OMD: variants seen among roughly 807,000 people sequenced by gnomAD.
The protein encoded by OMD is KSPG osteomodulin.
In OMD, 19 loss-of-function variants were observed where a neutral mutation model predicts 31.2. The ratio of observed to expected loss-of-function variants is 0.61; its 90% CI spans 0.42 to 0.89. The LOEUF is 0.89. Ranked by LOEUF, OMD falls within the 40% of genes least tolerant of loss-of-function variation. The probability of loss-of-function intolerance (pLI) is 0.00; values close to 1 mark genes in which losing one functional copy is unlikely to be tolerated. For missense variants in OMD, 448 were observed against 490.8 expected, an observed-to-expected ratio of 0.91 and a Z score of 0.82; for synonymous variants, 155 against 166.4, an observed-to-expected ratio of 0.93 and a Z score of 0.53.
At chr9:92,416,056 G>GTATATA (rs1403964887) in intron 2 of OMD, among the ~76,000 whole-genome samples, 1 of 83,460 alleles carries the variant, frequency 1.2e-5, no homozygotes, top group African/African-American at 3.3e-5. Flanking sequence ...TTATATATGT[G>GTATATA]TGTATATATA....
chr9:92,418,120 C>G (rs1843674391), intron 1 of OMD, among the ~76,000 whole-genome samples: 1 of 151,234 alleles, frequency 6.6e-6, no homozygotes, highest in African/African-American at 2.4e-5. Context: ...GGAGTCTTGC[C>G]TTGTCACCCA....
intron 1 of OMD, 99 bp downstream of exon 1, chr9:92,424,102 TA>T (rs1171707199): frequency 2.0e-5 from 3 of 152,214 alleles, no homozygotes; most frequent in African/African-American, 7.2e-5. Context: ...GCTTTTGTAA[TA>T]GATGCAGTCT....
In OMD at chr9:92,416,714, A is replaced by G. The variant is rs35779901; in HGVS notation, c.845T>C (p.Ile282Thr). ...GTTGTGTCCAACACTGAGTTCTACAATGTTGGGAAGATTAAAAATATTATA... is the reference window on the plus strand; with the variant it reads ...GTTGTGTCCAACACTGAGTTCTACAGTGTTGGGAAGATTAAAAATATTATA... ...IPYNIFNLPN[I>T]VELSVGHNKL... Residue 282 changes from isoleucine to threonine, a missense_variant, in exon 2 of 3, where the codon ATT becomes ACT. Ile to Thr is a moderately conservative substitution (Grantham distance 89, BLOSUM62 -1). Transcript: ENST00000375550. 1.2e-4 allele frequency: 193 copies of G among 1,613,398 alleles called. No individual in the cohort carries two copies. The African/African-American group carries it at 2.2e-3, about 18-fold the overall frequency.
Position 92,416,737 on chromosome 9 carries a change from A to G in OMD, c.822T>C (p.Tyr274=). The part of the protein sequence containing the change: ...MSHNKLQDIP[Y]NIFNLPNIVE... ...CAATGTTGGGAAGATTAAAAATATT[A>G]TATGGGATGTCTTGTAGTTTGTTGT... Residue 274 remains tyrosine, a synonymous_variant, in exon 2 of 3, where the codon TAT becomes TAC. Transcript: ENST00000375550. The G allele has an allele frequency of 6.2e-7, 1 of 1,613,476 alleles. No homozygotes were observed. The highest frequency in any genetic ancestry group is 8.5e-7 in the Non-Finnish European group (1 of 1,179,480).
chr9:92,420,496 T>C (rs1433549409), intron 1 of OMD, among the ~76,000 whole-genome samples: 2 of 152,160 alleles, frequency 1.3e-5, no homozygotes, highest in African/African-American at 4.8e-5. Flanking sequence ...TCACTCTCGA[T>C]TCAAGACCAC....
At chr9:92,421,782 A>G (rs969335627) in intron 1 of OMD, among the ~76,000 whole-genome samples, 17 of 152,194 alleles carry the variant, frequency 1.1e-4, no homozygotes, top group African/African-American at 4.1e-4. Flanking sequence ...AAGAGCAAAC[A>G]GCTTAGTGGA....
chr9:92,424,165 C>A (rs1029877289), intron 1 of OMD, 37 bp downstream of exon 1: 2 of 152,056 alleles, frequency 1.3e-5, no homozygotes, highest in Non-Finnish European at 2.9e-5. Context: ...AGTAGGAATA[C>A]ATTCTTAAAA....
chr9:92,417,925 G>A (rs993581312), intron 1 of OMD, among the ~76,000 whole-genome samples: 5 of 151,708 alleles, frequency 3.3e-5, no homozygotes, highest in Non-Finnish European at 7.4e-5. Context: ...ACAAGGTTTC[G>A]TTGTGTTGCC....
In OMD at chr9:92,417,332, A is replaced by T; in HGVS notation, c.227T>A (p.Met76Lys). The T allele has an allele frequency of 6.2e-7, 1 of 1,614,042 alleles. No individual in the cohort carries two copies. Among genetic ancestry groups the T allele is most frequent in the Non-Finnish European group, 8.5e-7 (1 of 1,179,940 alleles). Residue 76 changes from methionine (M) to lysine (K), a missense_variant, in exon 2 of 3, where the codon ATG (methionine) becomes AAG (lysine). Transcript: ENST00000375550. ...CTTGAGTTTGCGATTATCACAGTACATTGATGATGGAAAGTTAGTTGGACA... is the reference window on the plus strand; with the variant it reads ...CTTGAGTTTGCGATTATCACAGTACTTTGATGATGGAAAGTTAGTTGGACA... ...CFCPTNFPSS[M>K]YCDNRKLKTI...
rs1380766771 is a variant in OMD, at chr9:92,412,647, A to C, written c.*2505T>G. ...ACGACTGACTTCTTTCACTGAGCAT[A>C]ATGTTTTCAAGGTTATCCATGTTGT... On this transcript the variant is annotated 3_prime_UTR_variant, in exon 3 of 3. Coordinates refer to ENST00000375550, the MANE Select transcript of OMD (RefSeq NM_005014.3). Among the ~76,000 whole-genome samples, 1 of 152,188 alleles carries C rather than the reference A, an allele frequency of 6.6e-6. No homozygotes were observed. The highest frequency in any genetic ancestry group is 1.5e-5 in the Non-Finnish European group (1 of 68,040).
intron 1 of OMD, among the ~76,000 whole-genome samples, chr9:92,423,959 A>T (rs1843890821): frequency 1.3e-5 from 2 of 152,138 alleles, no homozygotes; most frequent in Admixed American, 1.3e-4. Flanking sequence ...GTAAAAAAAA[A>T]TCTAAACAAA....
Position 92,416,821 on chromosome 9 carries a change from A to T in OMD, c.738T>A (p.Ser246=). The part of the protein sequence containing the change: ...MYLSLENNSI[S]SIPEKYFDKL... ...TGTCGAAGTATTTTTCGGGTATAGAAGAAATTGAATTATTTTCTAAAGACA... is the reference window on the plus strand; with the variant it reads ...TGTCGAAGTATTTTTCGGGTATAGATGAAATTGAATTATTTTCTAAAGACA... Residue 246 remains serine (S), a synonymous_variant, in exon 2 of 3, where the codon TCT becomes TCA. Coordinates refer to ENST00000375550, the MANE Select transcript of OMD (RefSeq NM_005014.3). The T allele has an allele frequency of 6.2e-7, 1 of 1,613,970 alleles. No individual in the cohort carries two copies. Among genetic ancestry groups the T allele is most frequent in the African/African-American group, 1.3e-5 (1 of 75,056 alleles).
At position 92,414,025 on chromosome 9, in the gene OMD, C is replaced by A. The variant is rs1384945810; in HGVS notation, c.*1127G>T. Among the ~76,000 whole-genome samples the A allele has an allele frequency of 2.6e-5, 4 of 152,130 alleles. No individual in the cohort carries two copies. Among genetic ancestry groups the A allele is most frequent in the Admixed American group, 2.6e-4 (4 of 15,256 alleles). Reference sequence around the variant, plus strand: ...CCCTAGATTGGTATTTGTCCCTTATCTGAGAAATTCTATGAAACATTAGCA... The same window carrying A: ...CCCTAGATTGGTATTTGTCCCTTATATGAGAAATTCTATGAAACATTAGCA... On this transcript the variant is annotated 3_prime_UTR_variant, in exon 3 of 3. Transcript: ENST00000375550.
intron 1 of OMD, among the ~76,000 whole-genome samples, chr9:92,421,481 G>C (rs1843792433): frequency 6.6e-6 from 1 of 152,240 alleles, no homozygotes; most frequent in Non-Finnish European, 1.5e-5. Flanking sequence ...GAAGGAGGTA[G>C]ATTTAAGGAG....
Position 92,413,515 on chromosome 9 carries a change from T to C in OMD, c.*1637A>G, listed in dbSNP as rs1410444559. On this transcript the variant is annotated 3_prime_UTR_variant, in exon 3 of 3. Transcript: ENST00000375550. ...TTAAATTGCTCTAGGTTAGGAATTG[T>C]CTTATCTTTGTTTTCTAAAACACCT... Among the ~76,000 whole-genome samples, 1 of 152,216 alleles carries C rather than the reference T, an allele frequency of 6.6e-6. No individual in the cohort carries two copies. Among genetic ancestry groups the C allele is most frequent in the Non-Finnish European group, 1.5e-5 (1 of 68,034 alleles).
rs1167726088 is a variant in OMD at position 92,417,527 on chromosome 9, A to C, written c.32T>G (p.Phe11Cys). 1 of 1,605,166 alleles carries C rather than the reference A, an allele frequency of 6.2e-7. No individual in the cohort carries two copies. Among genetic ancestry groups the C allele is most frequent in the East Asian group, 2.2e-5 (1 of 44,774 alleles). Residue 11 changes from phenylalanine (F) to cysteine (C), a missense_variant, in exon 2 of 3, where the codon TTC becomes TGC. Transcript: ENST00000375550. MGFLSPIYVI[F>C]FFFGVKVHCQ... ...ATGTACTTTGACTCCAAAAAAGAAGAAAATAACATATATTGGACTTAAAAA... is the reference window on the plus strand; with the variant it reads ...ATGTACTTTGACTCCAAAAAAGAAGCAAATAACATATATTGGACTTAAAAA...
In OMD at chr9:92,417,245, G is replaced by A. The variant is rs150703454; in HGVS notation, c.314C>T (p.Ala105Val). The A allele has an allele frequency of 2.0e-5, 33 of 1,613,896 alleles. No homozygotes were observed. The highest frequency in any genetic ancestry group is 3.3e-5 in the Admixed American group (2 of 60,002). The change falls in exon 2 of 3, where the codon GCT becomes GTT. Residue 105 changes from alanine to valine, a missense_variant. By Grantham distance (64) the Ala-to-Val change is moderately conservative. Transcript: ENST00000375550. The stretch of plus-strand genomic sequence containing the variant: ...ATTGATGAATGAATTTGCAGTCACA[G>A]CCTCAATTTCATTGAACTGAAGGTA... ...QLYLQFNEIE[A>V]VTANSFINAT...
rs569744036 is a variant in OMD, at chr9:92,414,954, T to C, written c.*198A>G. ...CCACTTGTCATTCTAATTTATATTT[T>C]TAAAGATTTACATTATTTTGAGTAA... On this transcript the variant is annotated 3_prime_UTR_variant, in exon 3 of 3. Coordinates refer to ENST00000375550, the MANE Select transcript of OMD (RefSeq NM_005014.3). 10 of 379,062 alleles carry C rather than the reference T, an allele frequency of 2.6e-5. No homozygotes were observed. Among genetic ancestry groups the C allele is most frequent in the African/African-American group, 2.1e-4 (10 of 48,212 alleles). The allele number at this position is 379,062 out of a possible 1,614,324, so 23.5% of individuals were successfully genotyped here. A position where few individuals can be genotyped will look rare whatever the true frequency, so the allele number is the denominator to read the frequency against.
At chr9:92,418,634 A>G (rs1843692359) in intron 1 of OMD, among the ~76,000 whole-genome samples, 1 of 152,118 alleles carries the variant, frequency 6.6e-6, no homozygotes, top group African/African-American at 2.4e-5. Context: ...AAAGACCTTT[A>G]TTTTAGTTAG....
Sources: allele counts gnomAD v4.1 joint callset (sites outside exome capture counted in the v4.1 genomes callset), GRCh38; gene constraint gnomAD v4.1.1; transcripts MANE v1.5; gene names NCBI Gene and HGNC (gene_info 2026-07-23, HGNC 2026-07-21).